Variants in NASP observed in about 807,000 individuals in gnomAD.
NASP encodes nuclear autoantigenic sperm protein, also known as NASP histone chaperone.
Under a neutral mutation model 89.5 loss-of-function variants are expected in NASP, and 24 were observed. The ratio of observed to expected loss-of-function variants is 0.27; its 90% CI spans 0.19 to 0.38. NASP has a LOEUF of 0.38. Ranked by LOEUF, NASP falls within the 10% of genes least tolerant of loss-of-function variation. The pLI, the probability that NASP is intolerant of heterozygous loss-of-function variation, is 1.00. For missense variants in NASP, 848 were observed against 921.4 expected (o/e 0.92, Z 1.03); for synonymous variants, 306 against 324.7 (o/e 0.94, Z 0.62).
At chr1:45,585,259 ATTTT>A (rs1007826518) in intron 1 of NASP, among the ~76,000 whole-genome samples, 1 of 150,680 alleles carries the variant, frequency 6.6e-6, no homozygotes, top group East Asian at 1.9e-4. Flanking sequence ...ATCTGGTTCT[ATTTT>A]TTTTTCTAAT....
chr1:45,608,195 T>C lies in NASP; in HGVS notation c.1284T>C (p.Ser428=), dbSNP rs777153272. The C allele has an allele frequency of 2.5e-6, 4 of 1,614,202 alleles. No individual in the cohort carries two copies. In the South Asian group the frequency reaches 4.4e-5, roughly 18 times the overall value. The change falls in exon 6 of 15, where the codon TCT becomes TCC. Residue 428 remains serine (S), a synonymous_variant. Transcript: ENST00000350030. ...CTAGTCAGGAGGAGACTAAGCTGTC[T>C]GTAGAAGAGTCTGAGGCAGCTGGAG... The part of the protein sequence containing the change: ...LVPSQEETKL[S]VEESEAAGDG...
intron 6 of NASP, chr1:45,611,293 A>G (rs1644004288): frequency 6.6e-6 from 1 of 152,118 alleles, no homozygotes; most frequent in Non-Finnish European, 1.5e-5. Flanking sequence ...ACAACCTCTA[A>G]TTTGAAACAA....
At chr1:45,584,807 A>G (rs1557645179) in intron 1 of NASP, among the ~76,000 whole-genome samples, 2 of 152,214 alleles carry the variant, frequency 1.3e-5, no homozygotes, top group Non-Finnish European at 2.9e-5. Flanking sequence ...CTGCGGCTCC[A>G]GCAGGAGCTT....
At chr1:45,587,687 T>TATATATATATATATATATATATA (rs66829841) in intron 1 of NASP, among the ~76,000 whole-genome samples, 180 of 78,098 alleles carry the variant, frequency 2.3e-3, no homozygotes, top group Non-Finnish European at 2.7e-3. Flanking sequence ...TATATATATA[T>TATATATATATATATATATATATA]AATTAATTTT....
At chr1:45,596,326 T>C (rs1002191058) in intron 2 of NASP, among the ~76,000 whole-genome samples, 3 of 152,184 alleles carry the variant, frequency 2.0e-5, no homozygotes, top group East Asian at 1.9e-4. Flanking sequence ...CCCAATCTTA[T>C]CTTGCAAATC....
At chr1:45,596,736 C>T (rs186103429) in intron 2 of NASP, among the ~76,000 whole-genome samples, 2 of 152,090 alleles carry the variant, frequency 1.3e-5, no homozygotes, top group African/African-American at 4.8e-5. Flanking sequence ...CTCACGCCTG[C>T]ATCCCAGTAC....
intron 6 of NASP, chr1:45,610,188 GTC>G: frequency 6.6e-6 from 1 of 152,050 alleles, no homozygotes; most frequent in South Asian, 2.1e-4. Flanking sequence ...AACACAGCGA[GTC>G]TCTGTCTTCC....
chr1:45,587,319 T>C (rs889890113), intron 1 of NASP, among the ~76,000 whole-genome samples: 22 of 151,938 alleles, frequency 1.4e-4, no homozygotes, highest in African/African-American at 5.3e-4. Flanking sequence ...CCCAAGTAGC[T>C]GGGACTGCAG....
rs142252381 is a variant in NASP, at chr1:45,614,307, A to C, written c.1607A>C (p.Glu536Ala). Residue 536 changes from glutamate to alanine, a missense_variant, in exon 9 of 15, where the codon GAA (glutamate) becomes GCA (alanine). Coordinates refer to ENST00000350030, the MANE Select transcript of NASP (RefSeq NM_002482.4). Reference sequence around the variant, plus strand: ...CCTTCTTTTAGGCAAGAAACAAAAGAAGCACAGCTTTATGCTGCCCAGGCA... The same window carrying C: ...CCTTCTTTTAGGCAAGAAACAAAAGCAGCACAGCTTTATGCTGCCCAGGCA... ...KIIFKRQETK[E>A]AQLYAAQAHL... 9.5e-5 allele frequency: 153 copies of C among 1,614,010 alleles called. No individual in the cohort carries two copies. Among genetic ancestry groups the C allele is most frequent in the Middle Eastern group, 1.6e-4 (1 of 6,062 alleles).
At chr1:45,611,640 G>T (rs866873478) in intron 6 of NASP, 6 of 148,522 alleles carry the variant, frequency 4.0e-5, no homozygotes, top group Non-Finnish European at 9.0e-5. Flanking sequence ...CTAATTTTTT[G>T]TATTTTTAGT....
At chr1:45,597,877 G>T (rs1643738251) in intron 2 of NASP, among the ~76,000 whole-genome samples, 1 of 152,072 alleles carries the variant, frequency 6.6e-6, no homozygotes, top group African/African-American at 2.4e-5. Context: ...ACTTATATCA[G>T]CCCACTAGGT....
intron 2 of NASP, among the ~76,000 whole-genome samples, chr1:45,598,470 TGTC>T (rs1343987576): frequency 1.3e-5 from 2 of 152,182 alleles, no homozygotes; most frequent in African/African-American, 2.4e-5. Context: ...CATTCTTCCT[TGTC>T]GTCCCTACCT....
chr1:45,586,298 T>TGTGTGTGTGTGTGTGTGTG (rs1644547744), intron 1 of NASP, among the ~76,000 whole-genome samples: 30 of 96,662 alleles, frequency 3.1e-4, no homozygotes, highest in African/African-American at 9.9e-4. Context: ...TGTGTGTGTG[T>TGTGTGTGTGTGTGTGTGTG]GTGTGTGTGT....
At chr1:45,586,295 GTGT>G (rs1158236122) in intron 1 of NASP, among the ~76,000 whole-genome samples, 2,664 of 94,758 alleles carry the variant, frequency 0.028, 60 homozygotes, top group East Asian at 0.051. Flanking sequence ...GTGTGTGTGT[GTGT>G]GTGTGTGTGT....
Position 45,604,948 on chromosome 1 carries a change from T to TGG in NASP, c.232_233dup (p.Thr80ArgfsTer51). 1 of 1,611,178 alleles carries TGG rather than the reference T, an allele frequency of 6.2e-7. No individual in the cohort carries two copies. Among genetic ancestry groups the TGG allele is most frequent in the Non-Finnish European group, 8.5e-7 (1 of 1,177,538 alleles). ...ATTCTCTTTGTAGAGGTAAGAAGTATGGAGAGACAGCTAATGAGTGTGGAG... is the reference window on the plus strand; with the variant it reads ...ATTCTCTTTGTAGAGGTAAGAAGTATGGGGAGAGACAGCTAATGAGTGTGGAG... On this transcript the variant is annotated frameshift_variant, in exon 4 of 15. Transcript: ENST00000350030. LOFTEE classifies it high-confidence loss of function.
chr1:45,617,946 A>G (rs1341952626), intron 14 of NASP, 115 bp from the exon 15 acceptor site: 1 of 865,970 alleles, frequency 1.2e-6, no homozygotes, highest in Non-Finnish European at 1.8e-6. Flanking sequence ...TAATATAGGG[A>G]GCAAAGCAGA....
intron 1 of NASP, among the ~76,000 whole-genome samples, chr1:45,590,111 A>G (rs1643495145): frequency 6.6e-6 from 1 of 152,172 alleles, no homozygotes; most frequent in Non-Finnish European, 1.5e-5. Context: ...AAACTGTTAT[A>G]ACCGTTCCTC....
chr1:45,602,397 ATTATG>A (rs1249688767), intron 3 of NASP, 32 bp downstream of exon 3: 2 of 1,586,708 alleles, frequency 1.3e-6, no homozygotes, highest in Non-Finnish European at 1.7e-6. Flanking sequence ...ATGATGTAAT[ATTATG>A]TTCTAATAAA....
chr1:45,601,440 G>A (rs956314960), intron 2 of NASP, among the ~76,000 whole-genome samples: 4 of 152,074 alleles, frequency 2.6e-5, no homozygotes, highest in Non-Finnish European at 5.9e-5. Context: ...ATTCCTCATT[G>A]CATTGCCTTG....
Sources: allele counts gnomAD v4.1 joint callset (sites outside exome capture counted in the v4.1 genomes callset), GRCh38; gene constraint gnomAD v4.1.1; transcripts MANE v1.5; gene names NCBI Gene and HGNC (gene_info 2026-07-23, HGNC 2026-07-21).